Variants in LRP2 observed in about 807,000 individuals in gnomAD.
The protein encoded by LRP2 is LDL receptor related protein 2, also known as low-density lipoprotein receptor-related protein 2.
Under a neutral mutation model 531.0 loss-of-function variants are expected in LRP2, and 172 were observed. The ratio of observed to expected loss-of-function variants is 0.32; its 90% CI spans 0.29 to 0.37. LRP2 has a LOEUF of 0.37. LRP2 is among the 10% of genes least tolerant of loss of function. LRP2 has a pLI of 1.00. For synonymous variants in LRP2, 1,992 were observed against 2,027.6 expected (o/e 0.98, Z 0.47); for missense variants, 5,167 against 5,868.3 (o/e 0.88, Z 3.90).
chr2:169,218,792 T>C (rs886106557), intron 34 of LRP2, among the ~76,000 whole-genome samples: 2 of 152,132 alleles, frequency 1.3e-5, no homozygotes, highest in Non-Finnish European at 2.9e-5. Flanking sequence ...TTCTTTCCTT[T>C]ACTGCTCGAA....
chr2:169,270,870 T>TACAC (rs145964808), intron 16 of LRP2, 34 bp downstream of exon 16: 223 of 1,392,350 alleles, frequency 1.6e-4, no homozygotes, highest in Middle Eastern at 1.3e-3. Context: ...AAAACACGCA[T>TACAC]ACACACACAC....
intron 57 of LRP2, 146 bp from the exon 58 acceptor site, chr2:169,172,280 T>C: frequency 1.1e-6 from 1 of 909,410 alleles, no homozygotes; most frequent in Non-Finnish European, 1.7e-6. Context: ...ACATTCATGG[T>C]CAACATTCCC....
rs1385379806 is a variant in LRP2, at chr2:169,225,398, A to G, written c.5450T>C (p.Ile1817Thr). Residue 1817 changes from isoleucine to threonine, a missense_variant, in exon 33 of 79, where the codon ATA becomes ACA. Transcript: ENST00000649046. ...DGTNRTVFAS[I>T]SMVGPSMNLA... The stretch of plus-strand genomic sequence containing the variant: ...GTTCATAGAAGGCCCCACCATAGAT[A>G]TAGAAGCAAATACTGTCCTGTTGGT... The G allele has an allele frequency of 1.9e-6, 3 of 1,614,078 alleles. No homozygotes were observed. Among genetic ancestry groups the G allele is most frequent in the Non-Finnish European group, 2.5e-6 (3 of 1,179,964 alleles).
At chr2:169,207,754 T>C (rs1688447015) in intron 38 of LRP2, among the ~76,000 whole-genome samples, 1 of 152,224 alleles carries the variant, frequency 6.6e-6, no homozygotes, top group Admixed American at 6.5e-5. Flanking sequence ...TTCTAACTAA[T>C]GTAGGTGTTT....
intron 31 of LRP2, among the ~76,000 whole-genome samples, chr2:169,229,544 G>T (rs1448225171): frequency 1.3e-5 from 2 of 152,152 alleles, no homozygotes; most frequent in Non-Finnish European, 2.9e-5. Flanking sequence ...AATTTTAGGG[G>T]TGCTGAGGTG....
In LRP2 at chr2:169,209,560, T is replaced by C. The variant is rs139044679; in HGVS notation, c.6362A>G (p.Asp2121Gly). Residue 2121 changes from aspartate to glycine, a missense_variant, in exon 38 of 79, where the codon GAT becomes GGT. Physicochemically the swap from Asp to Gly is moderately conservative, Grantham distance 94 (BLOSUM62 -1). Coordinates refer to ENST00000649046, the MANE Select transcript of LRP2 (RefSeq NM_004525.3). The part of the protein sequence containing the change: ...WCDFSSSVAS[D>G]NAIRRIKPDG... ...TGGTTTAATTCTACGGATCGCATTA[T>C]CAGATGCCACTGAGCTGCTAAAATC... 1 of 1,614,124 alleles carries C rather than the reference T, an allele frequency of 6.2e-7. No individual in the cohort carries two copies. Among genetic ancestry groups the C allele is most frequent in the East Asian group, 2.2e-5 (1 of 44,890 alleles).
chr2:169,361,948 G>T (rs1028991890), intron 1 of LRP2, among the ~76,000 whole-genome samples: 2 of 152,192 alleles, frequency 1.3e-5, no homozygotes, highest in African/African-American at 4.8e-5. Context: ...GGACCGCGCC[G>T]CCCAGCAGAG....
chr2:169,318,761 C>T lies in LRP2; in HGVS notation c.310+1G>A. The T allele has an allele frequency of 1.2e-6, 2 of 1,614,080 alleles. No individual in the cohort carries two copies. Among genetic ancestry groups the T allele is most frequent in the Non-Finnish European group, 1.7e-6 (2 of 1,179,948 alleles). ...AGCAAGATTCCTCTCCAAACACTTA[C>T]AGCAATCTTGACGTTCATCTGAGCC... On this transcript the variant is annotated splice_donor_variant, in intron 3 of 78. Transcript: ENST00000649046. LOFTEE classifies it high-confidence loss of function.
chr2:169,201,977 G>T (rs1688218387), intron 43 of LRP2, 107 bp from the exon 44 acceptor site: 27 of 1,438,040 alleles, frequency 1.9e-5, no homozygotes, highest in Non-Finnish European at 2.6e-5. Context: ...TACCTTCCAA[G>T]GCAAAAAACG....
At chr2:169,165,592 T>C (rs535739685) in intron 62 of LRP2, among the ~76,000 whole-genome samples, 1 of 152,292 alleles carries the variant, frequency 6.6e-6, no homozygotes, top group South Asian at 2.1e-4. Context: ...TTTGAAAAAA[T>C]AAACTATTAA....
intron 1 of LRP2, among the ~76,000 whole-genome samples, chr2:169,325,859 A>AT (rs1479988036): frequency 1.3e-5 from 2 of 152,054 alleles, no homozygotes; most frequent in Admixed American, 6.5e-5. Flanking sequence ...CCAATTATTG[A>AT]TTCAGAGCCC....
chr2:169,241,842 C>T (rs917055297), intron 24 of LRP2, among the ~76,000 whole-genome samples: 1 of 152,210 alleles, frequency 6.6e-6, no homozygotes, highest in African/African-American at 2.4e-5. Context: ...CCATCACACA[C>T]TAACTAAAGA....
At chr2:169,352,301 G>A (rs1017916823) in intron 1 of LRP2, among the ~76,000 whole-genome samples, 7 of 152,160 alleles carry the variant, frequency 4.6e-5, no homozygotes, top group African/African-American at 1.2e-4. Context: ...GACCTGCCAT[G>A]CTGGCCAAAA....
chr2:169,320,767 C>A lies in LRP2; in HGVS notation c.187+10G>T. The A allele has an allele frequency of 6.2e-7, 1 of 1,610,164 alleles. No individual in the cohort carries two copies. The highest frequency in any genetic ancestry group is 8.5e-7 in the Non-Finnish European group (1 of 1,176,374). On this transcript the variant is annotated intron_variant, in intron 2 of 78. Transcript: ENST00000649046. ...CAAAATAGAACTTAGCCTGGCCCCT[C>A]CTCACTTACCGCAGCCAATTTCATC...
At chr2:169,157,781 C>G (rs1558984612) in intron 63 of LRP2, among the ~76,000 whole-genome samples, 1 of 152,000 alleles carries the variant, frequency 6.6e-6, no homozygotes, top group Non-Finnish European at 1.5e-5. Context: ...GCATCCAATT[C>G]TGGACTGCAC....
intron 52 of LRP2, among the ~76,000 whole-genome samples, chr2:169,180,516 G>A (rs774481429): frequency 6.6e-6 from 1 of 152,226 alleles, no homozygotes; most frequent in Non-Finnish European, 1.5e-5. Flanking sequence ...AATTATGCCT[G>A]CCATGAGCAC....
intron 70 of LRP2, among the ~76,000 whole-genome samples, chr2:169,145,371 G>A (rs1037956132): frequency 2.6e-5 from 4 of 152,168 alleles, no homozygotes; most frequent in African/African-American, 9.7e-5. Flanking sequence ...GCAATGGGAA[G>A]GATAAGATTT....
intron 46 of LRP2, 147 bp from the exon 47 acceptor site, chr2:169,194,039 A>G (rs758939138): frequency 2.9e-5 from 25 of 857,694 alleles, no homozygotes; most frequent in Non-Finnish European, 4.5e-5. Flanking sequence ...CTCCAATAAG[A>G]CTAGTACCAG....
In LRP2 at chr2:169,235,243, A is replaced by T. The variant is rs538055154; in HGVS notation, c.4920+597T>A. 2.3e-3 allele frequency among the ~76,000 whole-genome samples: 329 copies of T among 146,010 alleles called. 2 individuals carry two copies. Among genetic ancestry groups the T allele is most frequent in the African/African-American group, 7.7e-3 (309 of 40,164 alleles). On this transcript the variant is annotated intron_variant, in intron 29 of 78. Coordinates refer to ENST00000649046, the MANE Select transcript of LRP2 (RefSeq NM_004525.3). ...AGTTATAAATTTTTGCTTGAAAAAA[A>T]TTTTTTTTTTTTTTGAGATGGAGTC...
Sources: allele counts gnomAD v4.1 joint callset (sites outside exome capture counted in the v4.1 genomes callset), GRCh38; gene constraint gnomAD v4.1.1; transcripts MANE v1.5; gene names NCBI Gene and HGNC (gene_info 2026-07-23, HGNC 2026-07-21).